ZRANB3: variants seen among roughly 807,000 people sequenced by gnomAD.
ZRANB3 encodes zinc finger RANBP2-type containing 3, also known as DNA annealing helicase and endonuclease ZRANB3.
A neutral mutation model predicts 133.8 loss-of-function variants in ZRANB3; 125 were observed. That is an observed-to-expected ratio of 0.93 (90% CI 0.81 to 1.08). The LOEUF (loss-of-function observed/expected upper bound fraction) is 1.08, where lower values mean the gene tolerates loss of function less well. Ranked by LOEUF, ZRANB3 falls within the 50% of genes least tolerant of loss-of-function variation. The pLI, the probability that ZRANB3 is intolerant of heterozygous loss-of-function variation, is 0.00. For missense variants in ZRANB3, 1,229 were observed against 1,275.5 expected (o/e 0.96, Z 0.56); for synonymous variants, 387 against 432.7 (o/e 0.89, Z 1.31).
rs1270928340 is a variant in ZRANB3 at position 135,270,934 on chromosome 2, C to T, written c.1206+834G>A. 2.0e-5 allele frequency among the ~76,000 whole-genome samples: 3 copies of T among 152,220 alleles called. No individual in the cohort carries two copies. The East Asian group carries it at 5.8e-4, about 29-fold the overall frequency. ...CTCTTACCTACTGTGGCAGAGACTGCCATTACTTTCCCTAATATCTATCCT... is the reference window on the plus strand; with the variant it reads ...CTCTTACCTACTGTGGCAGAGACTGTCATTACTTTCCCTAATATCTATCCT... On this transcript the variant is annotated intron_variant, in intron 10 of 20. Coordinates refer to ENST00000264159, the MANE Select transcript of ZRANB3 (RefSeq NM_032143.4).
chr2:135,238,695 T>C (rs1695420234), intron 12 of ZRANB3: 1 of 152,372 alleles, frequency 6.6e-6, no homozygotes, highest in Non-Finnish European at 1.5e-5. Flanking sequence ...GCTAGGTCAT[T>C]GAAGGTAATA....
At chr2:135,520,757 G>C (rs2104842200) in intron 1 of ZRANB3, among the ~76,000 whole-genome samples, 1 of 151,872 alleles carries the variant, frequency 6.6e-6, no homozygotes, top group East Asian at 2.0e-4. Context: ...GCTAATTTTT[G>C]TGTTTTTAGT....
At chr2:135,387,541 T>G (rs1180729616) in intron 3 of ZRANB3, among the ~76,000 whole-genome samples, 1 of 152,230 alleles carries the variant, frequency 6.6e-6, no homozygotes, top group Non-Finnish European at 1.5e-5. Context: ...GTCTTGTATG[T>G]CATTCTGTTT....
intron 3 of ZRANB3, among the ~76,000 whole-genome samples, chr2:135,376,756 A>C (rs1420444810): frequency 6.6e-6 from 1 of 152,254 alleles, no homozygotes; most frequent in Non-Finnish European, 1.5e-5. Context: ...TGATACTATA[A>C]TGATGAATAC....
intron 6 of ZRANB3, among the ~76,000 whole-genome samples, chr2:135,329,271 T>C (rs1386294954): frequency 2.0e-5 from 3 of 152,250 alleles, no homozygotes; most frequent in Non-Finnish European, 1.5e-5. Context: ...TTCAGCTTTC[T>C]ACACATGGCT....
intron 12 of ZRANB3, among the ~76,000 whole-genome samples, chr2:135,248,586 A>G (rs1695905852): frequency 6.6e-6 from 1 of 152,184 alleles, no homozygotes; most frequent in Non-Finnish European, 1.5e-5. Flanking sequence ...CAAATTTACA[A>G]GAGAAAAACA....
intron 2 of ZRANB3, among the ~76,000 whole-genome samples, chr2:135,446,502 T>C (rs1690029886): frequency 1.3e-5 from 2 of 152,166 alleles, no homozygotes; most frequent in Admixed American, 1.3e-4. Context: ...ATAGTATGAC[T>C]GCCAGCCAGA....
intron 3 of ZRANB3, among the ~76,000 whole-genome samples, chr2:135,373,759 G>C (rs1686287043): frequency 9.1e-6 from 1 of 109,526 alleles, no homozygotes; most frequent in South Asian, 3.5e-4. Flanking sequence ...CTGCAATCCA[G>C]CCTGGGTAAG....
chr2:135,486,869 C>A (rs550435303), intron 2 of ZRANB3, among the ~76,000 whole-genome samples: 1 of 152,334 alleles, frequency 6.6e-6, no homozygotes, highest in Admixed American at 6.5e-5. Flanking sequence ...GGATCAACTT[C>A]TTCCAAATTC....
chr2:135,263,777 G>A (rs184591892), intron 12 of ZRANB3, among the ~76,000 whole-genome samples: 1 of 151,586 alleles, frequency 6.6e-6, no homozygotes, highest in African/African-American at 2.4e-5. Flanking sequence ...TAAGTTCATA[G>A]TAATTTTTTT....
At chr2:135,448,400 T>C (rs897852956) in intron 2 of ZRANB3, among the ~76,000 whole-genome samples, 10 of 152,218 alleles carry the variant, frequency 6.6e-5, no homozygotes, top group African/African-American at 2.4e-4. Context: ...ATGATGAAAC[T>C]TCAATCACAT....
intron 17 of ZRANB3, among the ~76,000 whole-genome samples, chr2:135,211,577 A>G (rs931689651): frequency 6.6e-6 from 1 of 152,144 alleles, no homozygotes; most frequent in African/African-American, 2.4e-5. Flanking sequence ...CGTACCCACT[A>G]GCACTCATTT....
chr2:135,514,983 A>G (rs1693641277), intron 1 of ZRANB3, among the ~76,000 whole-genome samples: 1 of 152,020 alleles, frequency 6.6e-6, no homozygotes, highest in Non-Finnish European at 1.5e-5. Flanking sequence ...CCAGGAATGA[A>G]GCTGACTTGA....
chr2:135,431,414 G>A (rs1377955892), intron 2 of ZRANB3, among the ~76,000 whole-genome samples: 7 of 151,492 alleles, frequency 4.6e-5, no homozygotes, highest in African/African-American at 1.7e-4. Context: ...GATTATATAT[G>A]TATCTTTGTG....
At chr2:135,505,168 A>C (rs1693119335) in intron 1 of ZRANB3, among the ~76,000 whole-genome samples, 1 of 152,170 alleles carries the variant, frequency 6.6e-6, no homozygotes, top group Non-Finnish European at 1.5e-5. Flanking sequence ...AAATTCTTAT[A>C]ACTCTGGAAG....
intron 2 of ZRANB3, among the ~76,000 whole-genome samples, chr2:135,478,102 T>C (rs1691579437): frequency 6.6e-6 from 1 of 152,170 alleles, no homozygotes; most frequent in Admixed American, 6.6e-5. Flanking sequence ...TTAGAATTTT[T>C]CTTTTTGATA....
At chr2:135,475,083 C>T (rs1256857393) in intron 2 of ZRANB3, among the ~76,000 whole-genome samples, 2 of 152,208 alleles carry the variant, frequency 1.3e-5, no homozygotes, top group African/African-American at 4.8e-5. Context: ...CTACCTTGCA[C>T]TTCATTTGTT....
chr2:135,200,085 A>T lies in ZRANB3; in HGVS notation c.*257T>A. 1.9e-6 allele frequency: 1 copy of T among 533,566 alleles called. No individual in the cohort carries two copies. The highest frequency in any genetic ancestry group is 1.9e-5 in the South Asian group (1 of 53,578). The allele number at this position is 533,566 out of a possible 1,614,324, so 33.1% of individuals were successfully genotyped here. On this transcript the variant is annotated 3_prime_UTR_variant, in exon 21 of 21. Coordinates refer to ENST00000264159, the MANE Select transcript of ZRANB3 (RefSeq NM_032143.4). ...GCATATTAGGGGTAAAGAGCTTTAC[A>T]AAACATTGCTGAAACATAATTGCGA...
chr2:135,402,925 C>A (rs1687806924), intron 2 of ZRANB3, among the ~76,000 whole-genome samples: 1 of 152,058 alleles, frequency 6.6e-6, no homozygotes, highest in African/African-American at 2.4e-5. Flanking sequence ...GCATAATACA[C>A]ATGTATTAGG....
Sources: allele counts gnomAD v4.1 joint callset (sites outside exome capture counted in the v4.1 genomes callset), GRCh38; gene constraint gnomAD v4.1.1; transcripts MANE v1.5; gene names NCBI Gene and HGNC (gene_info 2026-07-23, HGNC 2026-07-21).